The following JAKMIP1 variants were observed in gnomAD, a reference collection of about 807,000 sequenced individuals.
The protein encoded by JAKMIP1 is janus kinase and microtubule interacting protein 1.
A neutral mutation model predicts 113.0 loss-of-function variants in JAKMIP1; 33 were observed. That is an observed-to-expected ratio of 0.29 (90% CI 0.22 to 0.39). JAKMIP1 has a LOEUF of 0.39. Among genes scored for constraint, JAKMIP1 ranks in the 10% least tolerant of loss-of-function variants. The probability of loss-of-function intolerance (pLI) is 1.00; values close to 1 mark genes in which losing one functional copy is unlikely to be tolerated. For missense variants in JAKMIP1, 813 were observed against 1,080.5 expected (o/e 0.75, Z 3.47); for synonymous variants, 480 against 459.9 (o/e 1.04, Z -0.56).
At chr4:6,147,775 A>C (rs959814208) in intron 1 of JAKMIP1, among the ~76,000 whole-genome samples, 14 of 152,336 alleles carry the variant, frequency 9.2e-5, no homozygotes, top group Non-Finnish European at 1.2e-4. Context: ...TCAGCTCACA[A>C]GTCTCTCCCA....
At chr4:6,164,383 G>A (rs4689351) in intron 1 of JAKMIP1, among the ~76,000 whole-genome samples, 10,446 of 152,032 alleles carry the variant, frequency 0.069, 865 homozygotes, top group African/African-American at 0.2. Context: ...CCTACTGCTC[G>A]GAAAAAAAAG....
intron 11 of JAKMIP1, among the ~76,000 whole-genome samples, chr4:6,057,187 T>C (rs1716594642): frequency 6.6e-6 from 1 of 152,210 alleles, no homozygotes; most frequent in South Asian, 2.1e-4. Flanking sequence ...CGTATCCTCT[T>C]GCATAAGTCC....
rs1290691892 is a variant in JAKMIP1, at chr4:6,140,059, G to A, written c.-147-27062C>T. The stretch of plus-strand genomic sequence containing the variant: ...TGTCTTGTGTATTCCATGGTACAGC[G>A]GCCCTAGGAAACGAATATATTTATT... On this transcript the variant is annotated intron_variant, in intron 1 of 20. Coordinates refer to ENST00000409021, the MANE Select transcript of JAKMIP1 (RefSeq NM_001099433.2). The surrounding 1 kb of genome is among the most constrained non-coding windows in gnomAD (Gnocchi z 9.4). 1.3e-5 allele frequency among the ~76,000 whole-genome samples: 2 copies of A among 152,030 alleles called. No homozygotes were observed. Among genetic ancestry groups the A allele is most frequent in the African/African-American group, 4.8e-5 (2 of 41,374 alleles).
Position 6,042,258 on chromosome 4 carries a change from G to C in JAKMIP1, c.2029-31C>G, listed in dbSNP as rs889273679. 1.3e-6 allele frequency: 2 copies of C among 1,584,866 alleles called. No individual in the cohort carries two copies. The highest frequency in any genetic ancestry group is 1.3e-5 in the African/African-American group (1 of 74,350). On this transcript the variant is annotated intron_variant, in intron 16 of 20. Coordinates refer to ENST00000409021, the MANE Select transcript of JAKMIP1 (RefSeq NM_001099433.2). This position sits in a 1 kb window ranked among gnomAD's most constrained non-coding sequence, Gnocchi z 5.2. ...AAACAGCAGGGACAGGACGGGTGCA[G>C]CAAAGTGAGAGTCAGAACCCAAGGG...
In JAKMIP1 at chr4:6,106,982, C is replaced by T. The variant is rs1173210573; in HGVS notation, c.130-1015G>A. Among the ~76,000 whole-genome samples, 3 of 152,166 alleles carry T rather than the reference C, an allele frequency of 2.0e-5. No individual in the cohort carries two copies. Among genetic ancestry groups the T allele is most frequent in the Admixed American group, 1.3e-4 (2 of 15,278 alleles). ...TTTTAGGTGAGAAGTTTTACAATGG[C>T]ACCTGAGTATTGATAAATCCTTACT... On this transcript the variant is annotated intron_variant, in intron 2 of 20. Transcript: ENST00000409021. The surrounding 1 kb of genome is among the most constrained non-coding windows in gnomAD (Gnocchi z 5.9).
chr4:6,194,572 A>C lies in JAKMIP1; in HGVS notation c.-148+5681T>G, dbSNP rs985027470. 2.6e-5 allele frequency: 4 copies of C among 152,214 alleles called. No individual in the cohort carries two copies. Among genetic ancestry groups the C allele is most frequent in the African/African-American group, 9.7e-5 (4 of 41,448 alleles). The allele number at this position is 152,214 out of a possible 1,614,324, so 9.4% of individuals were successfully genotyped here. Reference sequence around the variant, plus strand: ...TGTAGTGATGTGTCCCACCCCCTCCAGTGCTGTGGAGGGACCCGGGTCAGT... The same window carrying C: ...TGTAGTGATGTGTCCCACCCCCTCCCGTGCTGTGGAGGGACCCGGGTCAGT... On this transcript the variant is annotated intron_variant, in intron 1 of 20. Coordinates refer to ENST00000409021, the MANE Select transcript of JAKMIP1 (RefSeq NM_001099433.2). This position sits in a 1 kb window ranked among gnomAD's most constrained non-coding sequence, Gnocchi z 7.4.
At chr4:6,126,317 A>AT in intron 1 of JAKMIP1, among the ~76,000 whole-genome samples, 1 of 87,194 alleles carries the variant, frequency 1.1e-5, no homozygotes, top group Admixed American at 1.2e-4. Context: ...ACACACACAC[A>AT]AACATACACC....
intron 3 of JAKMIP1, among the ~76,000 whole-genome samples, chr4:6,102,087 C>T (rs888931146): frequency 5.3e-5 from 8 of 152,266 alleles, no homozygotes; most frequent in African/African-American, 1.7e-4. Flanking sequence ...TCAGGGGAGA[C>T]ATCTTACACA....
At chr4:6,128,066 G>C (rs905023779) in intron 1 of JAKMIP1, among the ~76,000 whole-genome samples, 1 of 152,196 alleles carries the variant, frequency 6.6e-6, no homozygotes, top group African/African-American at 2.4e-5. Flanking sequence ...CCCTGTAAAG[G>C]CTGTGATGCC....
rs1726808578 is a variant in JAKMIP1, at chr4:6,187,791, C to T, written c.-148+12462G>A. Among the ~76,000 whole-genome samples the T allele has an allele frequency of 1.3e-5, 2 of 152,238 alleles. No homozygotes were observed. The highest frequency in any genetic ancestry group is 4.1e-4 in the South Asian group (2 of 4,834). On this transcript the variant is annotated intron_variant, in intron 1 of 20. Transcript: ENST00000409021. The surrounding 1 kb of genome is among the most constrained non-coding windows in gnomAD (Gnocchi z 4.2). The stretch of plus-strand genomic sequence containing the variant: ...CATATACTTGGATCATATATTTTAT[C>T]CCTGACAACATCTACCTTTTGACTG...
intron 20 of JAKMIP1, 21 bp downstream of exon 20, chr4:6,029,695 G>A: frequency 6.5e-7 from 1 of 1,549,240 alleles, no homozygotes; most frequent in Non-Finnish European, 8.9e-7. Context: ...CCTGGGGACA[G>A]TCTGAGCTGC....
At chr4:6,146,484 G>T (rs943235365) in intron 1 of JAKMIP1, among the ~76,000 whole-genome samples, 4 of 152,112 alleles carry the variant, frequency 2.6e-5, no homozygotes, top group Admixed American at 2.6e-4. Flanking sequence ...TGTAGAGACA[G>T]GTTTTCACCC....
intron 16 of JAKMIP1, among the ~76,000 whole-genome samples, chr4:6,043,247 G>T (rs562458925): frequency 2.0e-5 from 3 of 151,224 alleles, no homozygotes; most frequent in Non-Finnish European, 4.4e-5. Flanking sequence ...ACCAGATCCC[G>T]GCTGTGGAGC....
At chr4:6,039,549 G>A (rs1196155156) in intron 18 of JAKMIP1, among the ~76,000 whole-genome samples, 6 of 152,194 alleles carry the variant, frequency 3.9e-5, no homozygotes, top group African/African-American at 1.2e-4. Flanking sequence ...AAAGCACCAA[G>A]CCTGGACCAA....
At chr4:6,115,987 C>T (rs1172455774) in intron 1 of JAKMIP1, among the ~76,000 whole-genome samples, 3 of 152,130 alleles carry the variant, frequency 2.0e-5, no homozygotes, top group African/African-American at 4.8e-5. Flanking sequence ...AGTCCAAGCT[C>T]GATCCGATTC....
chr4:6,118,292 G>A (rs1716147797), intron 1 of JAKMIP1, among the ~76,000 whole-genome samples: 1 of 152,184 alleles, frequency 6.6e-6, no homozygotes, highest in South Asian at 2.1e-4. Flanking sequence ...GGTAATAGCT[G>A]TATCCCACTG....
chr4:6,084,967 TAAAAAAAAAAAAA>T lies in JAKMIP1; in HGVS notation c.835-15_835-3del, dbSNP rs56874913. ...ATCTCGCTCGTCCATATGTTGATCCTAAAAAAAAAAAAAAAAAAAAAAAAAAAGTCAAGACGTA... is the reference window on the plus strand; with the variant it reads ...ATCTCGCTCGTCCATATGTTGATCCTAAAAAAAAAAAAAAGTCAAGACGTA... On this transcript the variant is annotated splice_region_variant and splice_polypyrimidine_tract_variant and intron_variant, in intron 4 of 20. Transcript: ENST00000409021. The T allele has an allele frequency of 7.9e-6, 3 of 377,768 alleles. No individual in the cohort carries two copies. The highest frequency in any genetic ancestry group is 3.3e-4 in the Admixed American group (2 of 6,012). 23.4% of individuals were successfully genotyped at this position (377,768 alleles called of 1,614,324 possible). A position where few individuals can be genotyped will look rare whatever the true frequency, so the allele number is the denominator to read the frequency against.
intron 13 of JAKMIP1, among the ~76,000 whole-genome samples, chr4:6,053,092 G>A (rs1420374067): frequency 1.3e-5 from 2 of 152,200 alleles, no homozygotes; most frequent in South Asian, 2.1e-4. Flanking sequence ...GCAGAGCTGC[G>A]CCACTACAGG....
At chr4:6,152,393 C>T (rs1030612983) in intron 1 of JAKMIP1, among the ~76,000 whole-genome samples, 3 of 152,128 alleles carry the variant, frequency 2.0e-5, no homozygotes, top group African/African-American at 4.8e-5. Context: ...ACCGCCCTCA[C>T]CCAGCCCCAC....
Sources: allele counts gnomAD v4.1 joint callset (sites outside exome capture counted in the v4.1 genomes callset), GRCh38; gene constraint gnomAD v4.1.1; non-coding constraint Gnocchi (gnomAD v3.1); transcripts MANE v1.5; gene names NCBI Gene and HGNC (gene_info 2026-07-23, HGNC 2026-07-21).